The following C2CD5 variants were observed in gnomAD, a reference collection of about 807,000 sequenced individuals.
The protein encoded by C2CD5 is C2 domain-containing protein 5.
In C2CD5, 109 loss-of-function variants were observed where a neutral mutation model predicts 130.3. That is an observed-to-expected ratio of 0.84 (90% CI 0.72 to 0.98). The LOEUF (loss-of-function observed/expected upper bound fraction) is 0.98. Ranked by LOEUF, C2CD5 falls within the 50% of genes least tolerant of loss-of-function variation. The probability of loss-of-function intolerance (pLI) is 0.00; values close to 1 mark genes in which losing one functional copy is unlikely to be tolerated. For missense variants in C2CD5, 996 were observed against 1,261.8 expected (o/e 0.79, Z 3.19); for synonymous variants, 454 against 429.2 (o/e 1.06, Z -0.71).
At chr12:22,518,706 C>T (rs1043473772) in intron 7 of C2CD5, among the ~76,000 whole-genome samples, 6 of 152,158 alleles carry the variant, frequency 3.9e-5, no homozygotes, top group African/African-American at 1.4e-4. Context: ...GAAATAGGAC[C>T]TACTGTAATA....
At chr12:22,509,942 C>T (rs182330560) in intron 9 of C2CD5, among the ~76,000 whole-genome samples, 16 of 152,268 alleles carry the variant, frequency 1.1e-4, no homozygotes, top group Admixed American at 8.5e-4. Context: ...CAGTGGCTCA[C>T]GCCTGTAATC....
At chr12:22,481,376 A>G (rs1260851946) in intron 14 of C2CD5, among the ~76,000 whole-genome samples, 1 of 152,214 alleles carries the variant, frequency 6.6e-6, no homozygotes, top group Non-Finnish European at 1.5e-5. Flanking sequence ...TTCAAATTTG[A>G]AAACTGCCAA....
chr12:22,452,252 C>T (rs1046095004), intron 26 of C2CD5, among the ~76,000 whole-genome samples: 1 of 152,140 alleles, frequency 6.6e-6, no homozygotes, highest in Non-Finnish European at 1.5e-5. Flanking sequence ...GCGTTCTTTA[C>T]GACCAGATAA....
intron 2 of C2CD5, among the ~76,000 whole-genome samples, chr12:22,538,781 C>T (rs1256343445): frequency 6.6e-6 from 1 of 152,168 alleles, no homozygotes; most frequent in African/African-American, 2.4e-5. Flanking sequence ...GTCCTAGTCA[C>T]CTGAAAATTT....
intron 16 of C2CD5, among the ~76,000 whole-genome samples, chr12:22,473,991 G>A (rs1024188779): frequency 4.6e-5 from 7 of 152,024 alleles, no homozygotes; most frequent in Non-Finnish European, 8.8e-5. Flanking sequence ...AGGCCTGTGC[G>A]TCTCTCATAG....
chr12:22,539,155 T>C (rs539924365), intron 2 of C2CD5, among the ~76,000 whole-genome samples: 3 of 152,286 alleles, frequency 2.0e-5, no homozygotes, highest in South Asian at 2.1e-4. Context: ...CCATGTACTT[T>C]CTCTTTAAAT....
intron 22 of C2CD5, among the ~76,000 whole-genome samples, chr12:22,466,279 C>T (rs1169042514): frequency 6.6e-6 from 1 of 150,512 alleles, no homozygotes; most frequent in Non-Finnish European, 1.5e-5. Flanking sequence ...ATGAAATATA[C>T]ACTGGAATTC....
At chr12:22,498,061 C>A (rs150957991) in intron 10 of C2CD5, among the ~76,000 whole-genome samples, 327 of 152,044 alleles carry the variant, frequency 2.2e-3, no homozygotes, top group Non-Finnish European at 3.3e-3. Flanking sequence ...TTCCTGAAAA[C>A]CTTATTAAAA....
At chr12:22,492,258 T>C (rs1946451186) in intron 11 of C2CD5, among the ~76,000 whole-genome samples, 1 of 152,070 alleles carries the variant, frequency 6.6e-6, no homozygotes, top group African/African-American at 2.4e-5. Context: ...ATATCAACTG[T>C]AAACTTCTGA....
At chr12:22,490,020 C>CTG in intron 12 of C2CD5, 103 bp downstream of exon 12, 1 of 774,396 alleles carries the variant, frequency 1.3e-6, no homozygotes, top group Non-Finnish European at 2.2e-6. Flanking sequence ...CACTGTACCC[C>CTG]TGTAAGCCAC....
chr12:22,530,480 C>A (rs1162153678), intron 3 of C2CD5, among the ~76,000 whole-genome samples: 1 of 148,962 alleles, frequency 6.7e-6, no homozygotes, highest in African/African-American at 2.5e-5. Flanking sequence ...TTTTTTAAGA[C>A]GGAGTCTCAC....
rs187886588 is a variant in C2CD5, at chr12:22,519,550, T to C, written c.801-1413A>G. 3.6e-3 allele frequency among the ~76,000 whole-genome samples: 550 copies of C among 152,230 alleles called. 12 individuals carry two copies. Among genetic ancestry groups the C allele is most frequent in the Admixed American group, 0.034 (516 of 15,278 alleles). On this transcript the variant is annotated intron_variant, in intron 7 of 26. Coordinates refer to ENST00000446597, the MANE Select transcript of C2CD5 (RefSeq NM_001286176.2). ...CTAAGATCTGTATTTTAAGTTTCCTTAACATATTTGTCATTATTTTCATCA... is the reference window on the plus strand; with the variant it reads ...CTAAGATCTGTATTTTAAGTTTCCTCAACATATTTGTCATTATTTTCATCA...
intron 24 of C2CD5, among the ~76,000 whole-genome samples, chr12:22,458,188 A>G (rs1250452148): frequency 6.6e-6 from 1 of 152,184 alleles, no homozygotes; most frequent in African/African-American, 2.4e-5. Context: ...TGTCTTTTCA[A>G]TAAGAGAGTT....
intron 3 of C2CD5, among the ~76,000 whole-genome samples, chr12:22,533,026 G>A (rs1222194138): frequency 1.3e-5 from 2 of 152,188 alleles, no homozygotes; most frequent in African/African-American, 2.4e-5. Flanking sequence ...GGCAATATGT[G>A]TGGTAAATAT....
In C2CD5 at chr12:22,544,170, T is replaced by A; in HGVS notation, c.-20A>T. 1 of 1,612,034 alleles carries A rather than the reference T, an allele frequency of 6.2e-7. No homozygotes were observed. The highest frequency in any genetic ancestry group is 8.5e-7 in the Non-Finnish European group (1 of 1,178,222). Reference sequence around the variant, plus strand: ...TGGCATGGTCTCGGTTTCGGCCTCTTCTTGGGCTCCTGCAGAAACAAACAA... The same window carrying A: ...TGGCATGGTCTCGGTTTCGGCCTCTACTTGGGCTCCTGCAGAAACAAACAA... On this transcript the variant is annotated 5_prime_UTR_variant, in exon 2 of 27. Transcript: ENST00000446597.
chr12:22,487,865 T>A (rs1341730703), intron 12 of C2CD5, among the ~76,000 whole-genome samples: 1 of 152,166 alleles, frequency 6.6e-6, no homozygotes, highest in African/African-American at 2.4e-5. Flanking sequence ...TGGAATACTA[T>A]GCAGCCATAA....
intron 5 of C2CD5, 47 bp from the exon 6 acceptor site, chr12:22,524,674 C>A: frequency 6.8e-7 from 1 of 1,477,424 alleles, no homozygotes; most frequent in South Asian, 1.2e-5. Context: ...AGGTAAAACT[C>A]AATTTTTAAA....
intron 15 of C2CD5, 44 bp downstream of exon 15, chr12:22,478,269 A>G (rs750209557): frequency 1.1e-5 from 17 of 1,503,428 alleles, no homozygotes; most frequent in Non-Finnish European, 1.3e-5. Flanking sequence ...ATATACTAAT[A>G]AACAATAACT....
At position 22,484,756 on chromosome 12, in the gene C2CD5, T is replaced by A; in HGVS notation, c.1491A>T (p.Thr497=). 6.2e-7 allele frequency: 1 copy of A among 1,610,340 alleles called. No individual in the cohort carries two copies. The highest frequency in any genetic ancestry group is 8.5e-7 in the Non-Finnish European group (1 of 1,178,296). ...RKQKVPDVLF[T]TIDLPTDATV... is the part of the protein sequence containing the mutation. Reference sequence around the variant, plus strand: ...TTGCATCTGTTGGGAGGTCTATAGTTGTAAACAGAACATCAGGAACTTTTT... The same window carrying A: ...TTGCATCTGTTGGGAGGTCTATAGTAGTAAACAGAACATCAGGAACTTTTT... Residue 497 remains threonine (T), a synonymous_variant, in exon 13 of 27, where the codon ACA becomes ACT. Coordinates refer to ENST00000446597, the MANE Select transcript of C2CD5 (RefSeq NM_001286176.2).
Sources: gnomAD v4.1 joint callset for allele counts (sites outside exome capture counted in the v4.1 genomes callset) on GRCh38, gnomAD v4.1.1 for gene constraint, MANE v1.5 for transcripts, NCBI Gene and HGNC (gene_info 2026-07-23, HGNC 2026-07-21) for gene names.